Variants in MED16 observed in about 807,000 individuals in gnomAD.
MED16 encodes the protein mediator complex subunit 16.
In MED16, 81 loss-of-function variants were observed where a neutral mutation model predicts 84.4. That is an observed-to-expected ratio of 0.96 (90% CI 0.80 to 1.15). MED16 has a LOEUF of 1.15. MED16 is among the 50% of genes most tolerant of loss of function. The pLI is 0.00. For missense variants in MED16, 1,585 were observed against 1,245.9 expected, an observed-to-expected ratio of 1.27 and a Z score of -4.10; for synonymous variants, 897 against 552.2, an observed-to-expected ratio of 1.62 and a Z score of -8.76.
At position 885,953 on chromosome 19, in the gene MED16, G is replaced by T; in HGVS notation, c.696C>A (p.Asp232Glu). The T allele has an allele frequency of 6.2e-7, 1 of 1,612,354 alleles. No individual in the cohort carries two copies. ...ACTGCACGGGCGACGCGCTGCTGCC[G>T]TCCGCCGTGGCCACCACGATGTTGC... Reference protein sequence around the residue: ...GGGNIVVATADGSSASPVQFY... With the variant: ...GGGNIVVATAEGSSASPVQFY... Residue 232 changes from aspartate (D) to glutamate (E), a missense_variant, in exon 5 of 16, where the codon GAC becomes GAA. Transcript: ENST00000325464.
intron 4 of MED16, among the ~76,000 whole-genome samples, chr19:886,479 C>T (rs952161600): frequency 6.6e-6 from 1 of 152,230 alleles, no homozygotes; most frequent in Admixed American, 6.5e-5. Flanking sequence ...CCTCCCCTTT[C>T]TGTAAAGGGA....
Position 891,087 on chromosome 19 carries a change from C to G in MED16, c.45G>C (p.Leu15Phe). 3 of 1,614,042 alleles carry G rather than the reference C, an allele frequency of 1.9e-6. No individual in the cohort carries two copies. The highest frequency in any genetic ancestry group is 2.5e-6 in the Non-Finnish European group (3 of 1,179,990). ...ATTTCTCCCACTCACAGACGTAGGC[C>G]AAGTCCATCATCCCACCTGCCGCTG... ...RRPAAGGMMD[L>F]AYVCEWEKWS... Residue 15 changes from leucine to phenylalanine, a missense_variant, in exon 2 of 16, where the codon TTG (leucine) becomes TTC (phenylalanine). Leu to Phe is a conservative substitution (Grantham distance 22). Coordinates refer to ENST00000325464, the MANE Select transcript of MED16 (RefSeq NM_005481.3).
chr19:871,109 A>AGGGGCTGCT lies in MED16; in HGVS notation c.2234_2242dup (p.Pro747_Leu748insGlnGlnPro). 6.5e-7 allele frequency: 1 copy of AGGGGCTGCT among 1,548,728 alleles called. No homozygotes were observed. The highest frequency in any genetic ancestry group is 1.2e-5 in the South Asian group (1 of 84,012). On this transcript the variant is annotated inframe_insertion, in exon 13 of 16. Coordinates refer to ENST00000325464, the MANE Select transcript of MED16 (RefSeq NM_005481.3). ...GGGCGCCCGGCCAAACTGCAGACGAAGGGGCTGCTTGGGCTGCAGGCGGCT... is the reference window on the plus strand; with the variant it reads ...GGGCGCCCGGCCAAACTGCAGACGAAGGGGCTGCTGGGGCTGCTTGGGCTGCAGGCGGCT...
At position 873,690 on chromosome 19, in the gene MED16, G is replaced by A. The variant is rs577631218; in HGVS notation, c.1772-108C>T. On this transcript the variant is annotated intron_variant, in intron 10 of 15. Coordinates refer to ENST00000325464, the MANE Select transcript of MED16 (RefSeq NM_005481.3). ...GCACTGAGTGCCCACCCAGTACCAG[G>A]ACACAAGGGGACCCACACCGGGAAC... The A allele has an allele frequency of 1.0e-5, 13 of 1,275,810 alleles. No individual in the cohort carries two copies. The East Asian group carries it at 1.9e-4, about 19-fold the overall frequency. The allele number at this position is 1,275,810 out of a possible 1,614,324, so 79.0% of individuals were successfully genotyped here. A position where few individuals can be genotyped will look rare whatever the true frequency, so the allele number is the denominator to read the frequency against.
rs552014152 is a variant in MED16 at position 884,341 on chromosome 19, T to G, written c.985+562A>C. On this transcript the variant is annotated intron_variant, in intron 6 of 15. Transcript: ENST00000325464. ...TGTGCCGGAGGTGGGGATGACGGGC[T>G]TGGCTCCGTGGGTGCGGGGGGCCCA... Among the ~76,000 whole-genome samples, 17 of 152,188 alleles carry G rather than the reference T, an allele frequency of 1.1e-4. No individual in the cohort carries two copies. In the East Asian group the frequency reaches 2.9e-3, roughly 26 times the overall value.
chr19:870,208 A>C (rs1002062488), intron 13 of MED16, among the ~76,000 whole-genome samples: 1 of 152,138 alleles, frequency 6.6e-6, no homozygotes, highest in Non-Finnish European at 1.5e-5. Context: ...GGGGCCAGAG[A>C]CTAAGGGCAG....
At chr19:880,674 C>G (rs1480416677) in intron 7 of MED16, among the ~76,000 whole-genome samples, 1 of 152,234 alleles carries the variant, frequency 6.6e-6, no homozygotes, top group Non-Finnish European at 1.5e-5. Context: ...AATCCTAGCA[C>G]TTTGGGAGGC....
intron 10 of MED16, 69 bp from the exon 11 acceptor site, chr19:873,651 C>G: frequency 6.4e-7 from 1 of 1,574,198 alleles, no homozygotes; most frequent in Non-Finnish European, 8.6e-7. Context: ...CTGCACCCCT[C>G]GGTCCTTCGA....
chr19:872,544 C>G (rs952223835), intron 11 of MED16, among the ~76,000 whole-genome samples: 2 of 151,302 alleles, frequency 1.3e-5, no homozygotes, highest in Non-Finnish European at 2.9e-5. Context: ...AGAGGGACTT[C>G]AAACCGTCCG....
chr19:871,459 G>C, intron 12 of MED16: 1 of 1,416,336 alleles, frequency 7.1e-7, no homozygotes, highest in East Asian at 2.5e-5. Flanking sequence ...TTCTCTCCCC[G>C]TCTCTGGCCT....
rs2036423788 is a variant in MED16 at position 881,601 on chromosome 19, C to T, written c.1099G>A (p.Asp367Asn). Residue 367 changes from aspartate (D) to asparagine (N), a missense_variant, in exon 7 of 16, where the codon GAC becomes AAC. Coordinates refer to ENST00000325464, the MANE Select transcript of MED16 (RefSeq NM_005481.3). ...PKLPISLTNTDLKVASDTQFY... is the reference protein window; with the variant it reads ...PKLPISLTNTNLKVASDTQFY... ...TGTGTGTCGCTGGCCACCTTGAGGT[C>T]GGTGTTGGTGAGCGAGATGGGCAGC... The T allele has an allele frequency of 6.2e-7, 1 of 1,612,520 alleles. No individual in the cohort carries two copies. The highest frequency in any genetic ancestry group is 8.5e-7 in the Non-Finnish European group (1 of 1,179,914).
intron 3 of MED16, among the ~76,000 whole-genome samples, 165 bp from the exon 4 acceptor site, chr19:889,972 T>C (rs1396170252): frequency 6.6e-6 from 1 of 152,130 alleles, no homozygotes; most frequent in Non-Finnish European, 1.5e-5. Context: ...TGAGACACCC[T>C]GAACAAGAAT....
intron 4 of MED16, 45 bp downstream of exon 4, chr19:889,593 T>C (rs770337119): frequency 1.3e-6 from 2 of 1,556,024 alleles, no homozygotes; most frequent in Non-Finnish European, 8.7e-7. Flanking sequence ...CTGGGTAGGG[T>C]GACATCTCAT....
At chr19:884,366 A>T (rs2036482438) in intron 6 of MED16, among the ~76,000 whole-genome samples, 1 of 151,674 alleles carries the variant, frequency 6.6e-6, no homozygotes, top group South Asian at 2.1e-4. Flanking sequence ...CGGGGGGCCC[A>T]TCGGGCGGAT....
rs144226399 is a variant in MED16, at chr19:874,163, G to C, written c.1772-581C>G. Reference sequence around the variant, plus strand: ...GAGTCTCACTCTGTCGCCCAGGCTGGAGTGCAGTGGGGTGATCTCAGCTCA... The same window carrying C: ...GAGTCTCACTCTGTCGCCCAGGCTGCAGTGCAGTGGGGTGATCTCAGCTCA... On this transcript the variant is annotated intron_variant, in intron 10 of 15. Coordinates refer to ENST00000325464, the MANE Select transcript of MED16 (RefSeq NM_005481.3). Among the ~76,000 whole-genome samples the C allele has an allele frequency of 5.0e-3, 757 of 152,128 alleles. 6 individuals carry two copies. Among genetic ancestry groups the C allele is most frequent in the African/African-American group, 0.018 (733 of 41,488 alleles).
chr19:882,637 G>C (rs2036443858), intron 6 of MED16, among the ~76,000 whole-genome samples: 2 of 152,260 alleles, frequency 1.3e-5, no homozygotes, highest in Admixed American at 1.3e-4. Flanking sequence ...TGTGCGGCCA[G>C]TGGACAGGCC....
intron 8 of MED16, among the ~76,000 whole-genome samples, chr19:878,899 G>A (rs2036337582): frequency 8.4e-6 from 1 of 119,662 alleles, no homozygotes; most frequent in African/African-American, 3.3e-5. Context: ...ACCTTTCCCT[G>A]GTTGTCAATG....
chr19:880,461 G>C (rs754921709), intron 7 of MED16, among the ~76,000 whole-genome samples: 1 of 152,226 alleles, frequency 6.6e-6, no homozygotes. Flanking sequence ...TACAGGTGGG[G>C]GACCAAGGGT....
At chr19:869,307 A>G (rs1036957446) in intron 13 of MED16, among the ~76,000 whole-genome samples, 6 of 152,098 alleles carry the variant, frequency 3.9e-5, no homozygotes, top group African/African-American at 1.4e-4. Flanking sequence ...GAGGCTGGAC[A>G]GAAGCAGGTA....
Sources: gnomAD v4.1 joint callset for allele counts (sites outside exome capture counted in the v4.1 genomes callset) on GRCh38, gnomAD v4.1.1 for gene constraint, MANE v1.5 for transcripts, NCBI Gene and HGNC (gene_info 2026-07-23, HGNC 2026-07-21) for gene names.